PTPRE: variants seen among roughly 807,000 people sequenced by gnomAD.
The protein encoded by PTPRE is protein tyrosine phosphatase receptor type E, also known as receptor-type tyrosine-protein phosphatase epsilon.
A neutral mutation model predicts 102.0 loss-of-function variants in PTPRE; 51 were observed. The ratio of observed to expected loss-of-function variants is 0.50; its 90% CI spans 0.40 to 0.63. PTPRE has a LOEUF of 0.63. Ranked by LOEUF, PTPRE falls within the 30% of genes least tolerant of loss-of-function variation. The pLI is 0.00. For missense variants in PTPRE, 752 were observed against 915.1 expected (o/e 0.82, Z 2.30); for synonymous variants, 345 against 348.2 (o/e 0.99, Z 0.10).
At chr10:128,005,600 A>C (rs893759849) in intron 2 of PTPRE, among the ~76,000 whole-genome samples, 2 of 152,228 alleles carry the variant, frequency 1.3e-5, no homozygotes, top group African/African-American at 4.8e-5. Flanking sequence ...TGCTAAGAGA[A>C]TAGCAGAGTG....
Position 128,073,606 on chromosome 10 carries a change from G to A in PTPRE, c.1599+135G>A, listed in dbSNP as rs368281966. On this transcript the variant is annotated intron_variant, in intron 17 of 20. Transcript: ENST00000254667. ...GACCAAGCCAGGACCACTAGGGAAGGAGAGAGATTGGAAATGAAAAAGGTT... is the reference window on the plus strand; with the variant it reads ...GACCAAGCCAGGACCACTAGGGAAGAAGAGAGATTGGAAATGAAAAAGGTT... The A allele has an allele frequency of 6.5e-5, 74 of 1,140,178 alleles. No individual in the cohort carries two copies. The African/African-American group carries it at 9.0e-4, about 14-fold the overall frequency. 70.6% of individuals were successfully genotyped at this position (1,140,178 alleles called of 1,614,324 possible). A position where few individuals can be genotyped will look rare whatever the true frequency, so the allele number is the denominator to read the frequency against.
At chr10:127,958,529 T>C (rs1452336872) in intron 1 of PTPRE, among the ~76,000 whole-genome samples, 2 of 152,260 alleles carry the variant, frequency 1.3e-5, no homozygotes, top group Non-Finnish European at 2.9e-5. Context: ...CAACCTTTTA[T>C]ACATGGGATA....
At chr10:127,955,496 TG>T (rs1658047351) in intron 1 of PTPRE, among the ~76,000 whole-genome samples, 1 of 152,220 alleles carries the variant, frequency 6.6e-6, no homozygotes, top group Non-Finnish European at 1.5e-5. Context: ...AATATGTCCA[TG>T]TGTATAGATG....
chr10:128,077,817 T>C (rs1851352256), intron 19 of PTPRE, 34 bp downstream of exon 19: 1 of 1,561,496 alleles, frequency 6.4e-7, no homozygotes, highest in African/African-American at 1.3e-5. Flanking sequence ...CCAGGTGGGG[T>C]GGACACAGGC....
chr10:128,038,715 G>C (rs1405087314), intron 2 of PTPRE, among the ~76,000 whole-genome samples: 2 of 152,152 alleles, frequency 1.3e-5, no homozygotes, highest in East Asian at 3.9e-4. Context: ...TAAATGACGA[G>C]TTAGTGGGTG....
intron 2 of PTPRE, among the ~76,000 whole-genome samples, chr10:128,020,567 T>C (rs974741079): frequency 2.6e-5 from 4 of 152,246 alleles, no homozygotes; most frequent in African/African-American, 9.6e-5. Context: ...GTTTATATTT[T>C]TTAAAAAGAA....
intron 1 of PTPRE, among the ~76,000 whole-genome samples, chr10:127,959,646 C>CT (rs1564828597): frequency 6.6e-6 from 1 of 152,244 alleles, no homozygotes; most frequent in East Asian, 1.9e-4. Flanking sequence ...AAGCCACACA[C>CT]TTTTCAACGA....
intron 20 of PTPRE, among the ~76,000 whole-genome samples, chr10:128,080,097 G>A (rs938766192): frequency 2.6e-5 from 4 of 151,926 alleles, no homozygotes; most frequent in South Asian, 2.1e-4. Context: ...TGTTATACTC[G>A]TCCATGTGGC....
intron 1 of PTPRE, among the ~76,000 whole-genome samples, chr10:127,930,414 G>C (rs1022513465): frequency 6.6e-6 from 1 of 152,118 alleles, no homozygotes; most frequent in African/African-American, 2.4e-5. Context: ...CTTAGCACAC[G>C]GATTTAAGAA....
At chr10:127,975,157 A>T (rs1201887560) in intron 1 of PTPRE, among the ~76,000 whole-genome samples, 1 of 152,120 alleles carries the variant, frequency 6.6e-6, no homozygotes, top group Non-Finnish European at 1.5e-5. Context: ...GAGCAGCATG[A>T]GGGAAGCAGG....
At chr10:128,060,364 C>T (rs894987082) in intron 7 of PTPRE, among the ~76,000 whole-genome samples, 2 of 152,188 alleles carry the variant, frequency 1.3e-5, no homozygotes, top group African/African-American at 2.4e-5. Flanking sequence ...GCTGGATCTA[C>T]CAGACGCTCC....
intron 1 of PTPRE, among the ~76,000 whole-genome samples, chr10:127,925,770 C>CCTAA (rs749901196): frequency 3.9e-5 from 6 of 152,096 alleles, no homozygotes; most frequent in Non-Finnish European, 7.4e-5. Flanking sequence ...CCTGACAAAT[C>CCTAA]CTAACTGCTT....
At chr10:128,022,834 A>T (rs972772211) in intron 2 of PTPRE, among the ~76,000 whole-genome samples, 1 of 152,218 alleles carries the variant, frequency 6.6e-6, no homozygotes, top group African/African-American at 2.4e-5. Flanking sequence ...GGGCCAGGAG[A>T]TGACGGTCGA....
intron 1 of PTPRE, among the ~76,000 whole-genome samples, chr10:127,962,846 G>A (rs1169276417): frequency 3.9e-5 from 6 of 152,216 alleles, no homozygotes; most frequent in East Asian, 1.9e-4. Context: ...CGGTGCTGAG[G>A]TGGAGAAATC....
chr10:128,051,003 T>A (rs1219020529), intron 6 of PTPRE, among the ~76,000 whole-genome samples: 5 of 152,222 alleles, frequency 3.3e-5, no homozygotes, highest in African/African-American at 1.2e-4. Context: ...ATGTGTCCCC[T>A]TTTTTGGAGA....
At chr10:127,914,353 A>C (rs1846062931) in intron 1 of PTPRE, among the ~76,000 whole-genome samples, 1 of 152,332 alleles carries the variant, frequency 6.6e-6, no homozygotes, top group Admixed American at 6.5e-5. Flanking sequence ...ACTGACACAC[A>C]CAGCACAGGT....
intron 1 of PTPRE, among the ~76,000 whole-genome samples, chr10:127,967,324 C>T (rs1015489384): frequency 6.6e-6 from 1 of 152,178 alleles, no homozygotes; most frequent in Non-Finnish European, 1.5e-5. Context: ...CTCATCTTGA[C>T]TTGCAGCTCC....
At chr10:128,025,904 C>A (rs539849027) in intron 2 of PTPRE, among the ~76,000 whole-genome samples, 1 of 152,320 alleles carries the variant, frequency 6.6e-6, no homozygotes, top group Non-Finnish European at 1.5e-5. Context: ...GTGCAGGGGG[C>A]ATGTTTATAT....
intron 1 of PTPRE, among the ~76,000 whole-genome samples, chr10:127,927,300 A>G (rs975705806): frequency 1.3e-5 from 2 of 152,222 alleles, no homozygotes; most frequent in African/African-American, 4.8e-5. Context: ...ATTGGAACAC[A>G]AAACTATCAT....
Sources: gnomAD v4.1 joint callset for allele counts (sites outside exome capture counted in the v4.1 genomes callset) on GRCh38, gnomAD v4.1.1 for gene constraint, MANE v1.5 for transcripts, NCBI Gene and HGNC (gene_info 2026-07-23, HGNC 2026-07-21) for gene names.